The following MYLK4 variants were observed in gnomAD, a reference collection of about 807,000 sequenced individuals.
The protein encoded by MYLK4 is myosin light chain kinase family member 4.
In MYLK4, 46 loss-of-function variants were observed where a neutral mutation model predicts 48.1. The ratio of observed to expected loss-of-function variants is 0.96; its 90% CI spans 0.75 to 1.22. MYLK4 has a LOEUF of 1.22. Among genes scored for constraint, MYLK4 ranks in the 50% most tolerant of loss-of-function variants. The pLI is 0.00. For synonymous variants in MYLK4, 170 were observed against 180.8 expected (o/e 0.94, Z 0.48); for missense variants, 451 against 486.1 (o/e 0.93, Z 0.68).
chr6:2,684,708 T>A (rs1456210272), intron 6 of MYLK4, among the ~76,000 whole-genome samples: 4 of 152,218 alleles, frequency 2.6e-5, no homozygotes, highest in Non-Finnish European at 5.9e-5. Flanking sequence ...GTATTGTAAG[T>A]AGTCTAGAGA....
Position 2,685,816 on chromosome 6 carries a change from A to G in MYLK4, c.342-240T>C, listed in dbSNP as rs1306475929. Reference sequence around the variant, plus strand: ...CCGGGCACGGTGGCTCACACCTGTAATCCCAGCACTTTGGGAGGCCGAGGC... The same window carrying G: ...CCGGGCACGGTGGCTCACACCTGTAGTCCCAGCACTTTGGGAGGCCGAGGC... On this transcript the variant is annotated intron_variant, in intron 4 of 12. Transcript: ENST00000274643. The surrounding 1 kb of genome is among the most constrained non-coding windows in gnomAD (Gnocchi z 4.5). 6.6e-6 allele frequency among the ~76,000 whole-genome samples: 1 copy of G among 152,134 alleles called. No homozygotes were observed. Among genetic ancestry groups the G allele is most frequent in the East Asian group, 1.9e-4 (1 of 5,184 alleles).
Position 2,664,220 on chromosome 6 carries a change from G to C in MYLK4, c.*3705C>G, listed in dbSNP as rs1022171447. 6.6e-6 allele frequency: 1 copy of C among 152,146 alleles called. No individual in the cohort carries two copies. The highest frequency in any genetic ancestry group is 2.4e-5 in the African/African-American group (1 of 41,410). 9.4% of individuals were successfully genotyped at this position (152,146 alleles called of 1,614,324 possible). A position where few individuals can be genotyped will look rare whatever the true frequency, so the allele number is the denominator to read the frequency against. On this transcript the variant is annotated 3_prime_UTR_variant, in exon 13 of 13. Coordinates refer to ENST00000274643, the MANE Select transcript of MYLK4 (RefSeq NM_001012418.5). ...TGGATAAGAAGACAAACTTGGATCC[G>C]AACTTAAGAAAAAGGAAAGAAGTAA...
rs558916722 is a variant in MYLK4, at chr6:2,743,186, C to T, written c.159+5950G>A. ...TAATGAAAACAAGGCTGAGAAACAC[C>T]GCCATAAACCCACCTTCAGACAGGA... On this transcript the variant is annotated intron_variant, in intron 2 of 12. Transcript: ENST00000274643. Among the ~76,000 whole-genome samples the T allele has an allele frequency of 1.7e-4, 26 of 152,192 alleles. No homozygotes were observed. In the South Asian group the frequency reaches 2.1e-3, roughly 12 times the overall value.
intron 3 of MYLK4, among the ~76,000 whole-genome samples, chr6:2,689,880 A>C (rs1360482886): frequency 1.3e-5 from 2 of 152,230 alleles, no homozygotes; most frequent in Non-Finnish European, 2.9e-5. Flanking sequence ...ATTTTTAAAA[A>C]TTCAGATAAT....
At chr6:2,698,988 C>T (rs1162504065) in intron 2 of MYLK4, among the ~76,000 whole-genome samples, 1 of 152,178 alleles carries the variant, frequency 6.6e-6, no homozygotes, top group Non-Finnish European at 1.5e-5. Flanking sequence ...TGGATCCTCC[C>T]CAGGCTGCTG....
chr6:2,729,669 G>T (rs1385205889), intron 2 of MYLK4, among the ~76,000 whole-genome samples: 2 of 152,082 alleles, frequency 1.3e-5, no homozygotes, highest in African/African-American at 2.4e-5. Context: ...GTGTTTTAGT[G>T]ACTTTGAACC....
At chr6:2,707,749 A>G (rs1405316208) in intron 2 of MYLK4, among the ~76,000 whole-genome samples, 16 of 152,246 alleles carry the variant, frequency 1.1e-4, no homozygotes. Flanking sequence ...AAGAAAACGA[A>G]CCAAATAAGG....
At chr6:2,679,879 T>C (rs180949667) in intron 8 of MYLK4, among the ~76,000 whole-genome samples, 1 of 152,344 alleles carries the variant, frequency 6.6e-6, no homozygotes, top group East Asian at 1.9e-4. Flanking sequence ...CTTTGCAAAC[T>C]TGCTTACGTT....
intron 9 of MYLK4, among the ~76,000 whole-genome samples, chr6:2,678,864 C>T (rs1260189867): frequency 9.2e-5 from 14 of 151,954 alleles, no homozygotes; most frequent in Non-Finnish European, 5.9e-5. Flanking sequence ...CCACCACGCA[C>T]GGCTGATTTT....
chr6:2,699,588 T>C (rs1284936257), intron 2 of MYLK4, among the ~76,000 whole-genome samples: 4 of 152,044 alleles, frequency 2.6e-5, no homozygotes, highest in Non-Finnish European at 4.4e-5. Context: ...TCAGCCACCA[T>C]GCCCAGCTGC....
chr6:2,769,504 AT>A, the MYLK4 span, among the ~76,000 whole-genome samples: 46 of 151,900 alleles, frequency 3.0e-4, 1 homozygote, highest in Admixed American at 2.6e-4. Context: ...ACTTTAAAAA[AT>A]TTTTTTTTGT....
intron 4 of MYLK4, 119 bp downstream of exon 4, chr6:2,688,732 T>C: frequency 1.2e-6 from 1 of 810,326 alleles, no homozygotes; most frequent in South Asian, 1.7e-5. Flanking sequence ...GGTTACTGTT[T>C]CTTAAAATGT....
In MYLK4 at chr6:2,669,408, C is replaced by T. The variant is rs76607941; in HGVS notation, c.*26-1509G>A. On this transcript the variant is annotated intron_variant, in intron 12 of 12. Coordinates refer to ENST00000274643, the MANE Select transcript of MYLK4 (RefSeq NM_001012418.5). ...CTGTGTGGAAGGACTCTACCCCCTC[C>T]CATCACCATTTCCTCCTCATTCCTC... 6.7e-4 allele frequency among the ~76,000 whole-genome samples: 102 copies of T among 152,356 alleles called. 1 individual carries two copies. The highest frequency in any genetic ancestry group is 2.2e-3 in the African/African-American group (90 of 41,588).
At chr6:2,758,789 T>A in the MYLK4 span, among the ~76,000 whole-genome samples, 1 of 152,236 alleles carries the variant, frequency 6.6e-6, no homozygotes, top group African/African-American at 2.4e-5. Context: ...CCCATCATAT[T>A]GTTGTATATA....
chr6:2,766,301 C>A, the MYLK4 span: 4 of 1,608,190 alleles, frequency 2.5e-6, no homozygotes, highest in Admixed American at 5.0e-5. Context: ...GGGCAAGCCG[C>A]TGGCCGACAC....
At position 2,749,304 on chromosome 6, in the gene MYLK4, G is replaced by A. The variant is rs1300009590; in HGVS notation, c.-10C>T. On this transcript the variant is annotated 5_prime_UTR_variant, in exon 2 of 13. Coordinates refer to ENST00000274643, the MANE Select transcript of MYLK4 (RefSeq NM_001012418.5). ...TCTTCACTTTTAACATCTTAGTAGT[G>A]AGTCCGATTAAGCTACTTTCTGGAG... 2 of 1,608,920 alleles carry A rather than the reference G, an allele frequency of 1.2e-6. No homozygotes were observed. The highest frequency in any genetic ancestry group is 2.7e-5 in the African/African-American group (2 of 74,718).
At chr6:2,763,868 C>A in the MYLK4 span, among the ~76,000 whole-genome samples, 1 of 151,804 alleles carries the variant, frequency 6.6e-6, no homozygotes, top group Non-Finnish European at 1.5e-5. Flanking sequence ...AGCTCACGGT[C>A]GGGCGCAGTG....
At chr6:2,733,186 T>C (rs986039212) in intron 2 of MYLK4, among the ~76,000 whole-genome samples, 1 of 152,188 alleles carries the variant, frequency 6.6e-6, no homozygotes, top group African/African-American at 2.4e-5. Flanking sequence ...ATTAGGCCTT[T>C]TATGCAAACT....
At chr6:2,691,753 G>C (rs1273635143) in intron 3 of MYLK4, among the ~76,000 whole-genome samples, 1 of 152,156 alleles carries the variant, frequency 6.6e-6, no homozygotes. Flanking sequence ...TTGTCTACCA[G>C]TTGGTAGAAA....
Sources: gnomAD v4.1 joint callset for allele counts (sites outside exome capture counted in the v4.1 genomes callset) on GRCh38, gnomAD v4.1.1 for gene constraint, Gnocchi (gnomAD v3.1) non-coding constraint, MANE v1.5 for transcripts, NCBI Gene and HGNC (gene_info 2026-07-23, HGNC 2026-07-21) for gene names.